Variants in CYRIB observed in about 807,000 individuals in gnomAD.
CYRIB encodes CYFIP related Rac1 interactor B, also known as CYFIP-related Rac1 interactor B.
A neutral mutation model predicts 44.2 loss-of-function variants in CYRIB; 8 were observed. That is an observed-to-expected ratio of 0.18 (90% confidence interval 0.11 to 0.33). The LOEUF is 0.33. CYRIB is among the 10% of genes least tolerant of loss of function. The pLI, the probability that CYRIB is intolerant of heterozygous loss-of-function variation, is 1.00. For missense variants in CYRIB, 185 were observed against 382.8 expected (o/e 0.48, Z 4.31); for synonymous variants, 131 against 127.2 (o/e 1.03, Z -0.20).
At chr8:129,995,031 T>C (rs946539779) in intron 1 of CYRIB, among the ~76,000 whole-genome samples, 3 of 152,338 alleles carry the variant, frequency 2.0e-5, no homozygotes, top group East Asian at 1.9e-4. Flanking sequence ...TCAGCTTCCA[T>C]ACTGGCAGAA....
At chr8:129,980,844 C>T (rs766235592) in intron 1 of CYRIB, among the ~76,000 whole-genome samples, 31 of 151,590 alleles carry the variant, frequency 2.0e-4, no homozygotes, top group Non-Finnish European at 4.0e-4. Context: ...ATTAGCTGGT[C>T]GTGGTGGTGC....
At chr8:129,865,275 AAAAT>A (rs1172132742) in intron 4 of CYRIB, among the ~76,000 whole-genome samples, 1 of 152,244 alleles carries the variant, frequency 6.6e-6, no homozygotes, top group Non-Finnish European at 1.5e-5. Flanking sequence ...CAGGAGGTTT[AAAAT>A]AAATTCTTTA....
intron 1 of CYRIB, among the ~76,000 whole-genome samples, chr8:129,915,346 A>C (rs768052617): frequency 1.5e-4 from 23 of 152,206 alleles, no homozygotes; most frequent in Non-Finnish European, 2.9e-4. Context: ...ATAAATATAA[A>C]TCTCAAAATC....
chr8:129,853,954 G>GT (rs1167116158), intron 7 of CYRIB, among the ~76,000 whole-genome samples: 7 of 152,114 alleles, frequency 4.6e-5, no homozygotes, highest in African/African-American at 4.8e-5. Context: ...CAAAAAACTC[G>GT]TAACTATGAA....
intron 1 of CYRIB, among the ~76,000 whole-genome samples, chr8:129,989,055 A>C (rs1437358633): frequency 2.0e-5 from 3 of 152,290 alleles, no homozygotes; most frequent in East Asian, 3.9e-4. Flanking sequence ...GACAAATACC[A>C]GGTTCTGTCT....
intron 2 of CYRIB, among the ~76,000 whole-genome samples, chr8:129,895,231 G>A (rs2067434875): frequency 6.6e-6 from 1 of 150,972 alleles, no homozygotes; most frequent in Non-Finnish European, 1.5e-5. Flanking sequence ...TCAAATTCAT[G>A]GCCTTAAGCA....
At chr8:129,924,812 T>TA (rs1188137603) in intron 1 of CYRIB, among the ~76,000 whole-genome samples, 1 of 151,612 alleles carries the variant, frequency 6.6e-6, no homozygotes, top group Non-Finnish European at 1.5e-5. Context: ...CAAAAAAATT[T>TA]AAAAAAATAA....
intron 2 of CYRIB, among the ~76,000 whole-genome samples, chr8:129,882,345 C>T (rs948510754): frequency 6.6e-6 from 1 of 152,092 alleles, no homozygotes; most frequent in African/African-American, 2.4e-5. Context: ...TCTTAAATTC[C>T]TATTATGAGG....
intron 1 of CYRIB, among the ~76,000 whole-genome samples, chr8:129,986,209 A>C (rs2096450504): frequency 3.3e-5 from 5 of 152,216 alleles, no homozygotes; most frequent in Admixed American, 3.3e-4. Flanking sequence ...ACAAGGTTTC[A>C]ATAAATGATT....
At chr8:130,003,268 G>A (rs1002050603) in intron 1 of CYRIB, among the ~76,000 whole-genome samples, 5 of 152,190 alleles carry the variant, frequency 3.3e-5, no homozygotes, top group Non-Finnish European at 7.4e-5. Flanking sequence ...GCAACATTTT[G>A]TCCATATTTT....
At chr8:129,888,120 T>C (rs549698673) in intron 2 of CYRIB, among the ~76,000 whole-genome samples, 1 of 152,310 alleles carries the variant, frequency 6.6e-6, no homozygotes, top group East Asian at 1.9e-4. Context: ...AGAAGGAGCC[T>C]GCTGGGAGGA....
intron 1 of CYRIB, among the ~76,000 whole-genome samples, chr8:129,995,716 G>C (rs2096749168): frequency 1.3e-5 from 2 of 152,182 alleles, no homozygotes; most frequent in South Asian, 4.1e-4. Context: ...GGGCATCACA[G>C]ATTTCTAAAC....
At chr8:130,012,364 C>T (rs1267542121) in intron 1 of CYRIB, among the ~76,000 whole-genome samples, 2 of 152,186 alleles carry the variant, frequency 1.3e-5, no homozygotes, top group Non-Finnish European at 2.9e-5. Flanking sequence ...CTTGGAGGCT[C>T]CAAGTTTAAT....
chr8:129,858,440 G>A (rs1433319969), intron 5 of CYRIB, among the ~76,000 whole-genome samples: 2 of 152,194 alleles, frequency 1.3e-5, no homozygotes, highest in Non-Finnish European at 2.9e-5. Flanking sequence ...GAATGATAAA[G>A]ATGACAAATC....
chr8:130,015,263 G>T (rs964342348), intron 1 of CYRIB, among the ~76,000 whole-genome samples: 10 of 152,310 alleles, frequency 6.6e-5, no homozygotes, highest in South Asian at 4.1e-4. Context: ...TATCTATGGG[G>T]TGCTTCCCAC....
At chr8:129,951,417 G>A (rs1309966775) in intron 2 of CYRIB, among the ~76,000 whole-genome samples, 2 of 151,916 alleles carry the variant, frequency 1.3e-5, no homozygotes, top group Non-Finnish European at 1.5e-5. Context: ...TAAGAAAATG[G>A]TAGAAACGGC....
At chr8:129,933,226 T>TC (rs1370803841) in intron 1 of CYRIB, among the ~76,000 whole-genome samples, 1 of 152,062 alleles carries the variant, frequency 6.6e-6, no homozygotes, top group Non-Finnish European at 1.5e-5. Flanking sequence ...AGTTGCTCTC[T>TC]CCCCCTCCAC....
chr8:130,013,651 G>A (rs2097276748), intron 1 of CYRIB, among the ~76,000 whole-genome samples: 1 of 152,164 alleles, frequency 6.6e-6, no homozygotes, highest in African/African-American at 2.4e-5. Flanking sequence ...CAGTAATGCT[G>A]AGCACGGGTG....
At chr8:129,954,353 G>A (rs867605781) in intron 2 of CYRIB, among the ~76,000 whole-genome samples, 8 of 152,132 alleles carry the variant, frequency 5.3e-5, no homozygotes, top group Middle Eastern at 3.4e-3. Context: ...CTCCCGAATA[G>A]CTGGGATTAC....
Sources: allele counts gnomAD v4.1 joint callset (sites outside exome capture counted in the v4.1 genomes callset), GRCh38; gene constraint gnomAD v4.1.1; transcripts MANE v1.5; gene names NCBI Gene and HGNC (gene_info 2026-07-23, HGNC 2026-07-21).